CDC42BPB: variants seen among roughly 807,000 people sequenced by gnomAD.
The protein encoded by CDC42BPB is CDC42 binding protein kinase beta.
In CDC42BPB, 37 loss-of-function variants were observed where a neutral mutation model predicts 214.9. The ratio of observed to expected loss-of-function variants is 0.17; its 90% CI spans 0.13 to 0.23. The LOEUF (loss-of-function observed/expected upper bound fraction) is 0.23, where lower values mean the gene tolerates loss of function less well. CDC42BPB is among the 10% of genes least tolerant of loss of function. CDC42BPB has a pLI of 1.00. For synonymous variants in CDC42BPB, 931 were observed against 884.0 expected (o/e 1.05, Z -0.94); for missense variants, 1,694 against 2,227.0 (o/e 0.76, Z 4.82).
chr14:103,022,169 G>A (rs960855817), intron 1 of CDC42BPB, among the ~76,000 whole-genome samples: 3 of 152,194 alleles, frequency 2.0e-5, no homozygotes, highest in Non-Finnish European at 2.9e-5. Context: ...CCAGCAGGGT[G>A]CAGAGAAAGC....
intron 23 of CDC42BPB, 98 bp downstream of exon 23, chr14:102,954,100 T>C: frequency 1.2e-6 from 1 of 857,564 alleles, no homozygotes; most frequent in Non-Finnish European, 1.9e-6. Context: ...AATGACTAAG[T>C]ATGTTTTATT....
intron 5 of CDC42BPB, among the ~76,000 whole-genome samples, chr14:102,987,980 C>CA (rs1244265463): frequency 6.6e-6 from 1 of 151,836 alleles, no homozygotes; most frequent in African/African-American, 2.4e-5. Context: ...TCTCAAAACA[C>CA]AAAAACACAC....
At position 102,953,369 on chromosome 14, in the gene CDC42BPB, A is replaced by G. The variant is rs539633205; in HGVS notation, c.3067-766T>C. Among the ~76,000 whole-genome samples, 8 of 152,370 alleles carry G rather than the reference A, an allele frequency of 5.3e-5. No individual in the cohort carries two copies. The East Asian group carries it at 1.4e-3, about 26-fold the overall frequency. On this transcript the variant is annotated intron_variant, in intron 23 of 36. Transcript: ENST00000361246. ...TAGGAGTGACACACCAGCACTCTGC[A>G]GAGTTGCTATCAAATATGGTAACCA...
At position 102,973,927 on chromosome 14, in the gene CDC42BPB, AAG is replaced by A. The variant is rs1296210645; in HGVS notation, c.1641+87_1641+88del. On this transcript the variant is annotated intron_variant, in intron 12 of 36. Coordinates refer to ENST00000361246, the MANE Select transcript of CDC42BPB (RefSeq NM_006035.4). ...GGGACAGCCCATGGGCAGGAGTCCC[AAG>A]AGGTCTTCCATCATCGGCATGAACG... is the stretch of plus-strand genomic sequence containing the variant. 2.7e-5 allele frequency: 39 copies of A among 1,459,418 alleles called. No homozygotes were observed. The Admixed American group carries it at 4.9e-4, about 18-fold the overall frequency. The allele number at this position is 1,459,418 out of a possible 1,614,324, so 90.4% of individuals were successfully genotyped here.
chr14:102,937,500 A>ATCCC (rs1264650897), intron 36 of CDC42BPB, among the ~76,000 whole-genome samples: 4 of 152,256 alleles, frequency 2.6e-5, no homozygotes, highest in South Asian at 2.1e-4. Flanking sequence ...CTCCGCCTGC[A>ATCCC]TCCCTCCCTC....
chr14:102,937,808 G>T (rs1891707931), intron 36 of CDC42BPB, among the ~76,000 whole-genome samples: 1 of 152,252 alleles, frequency 6.6e-6, no homozygotes, highest in South Asian at 2.1e-4. Context: ...AACAACACAG[G>T]GAGTCCAGAG....
chr14:103,023,168 A>T (rs1265397187), intron 1 of CDC42BPB, among the ~76,000 whole-genome samples: 9 of 129,160 alleles, frequency 7.0e-5, no homozygotes, highest in Non-Finnish European at 8.1e-5. Context: ...CATGTGGCTA[A>T]TTTTTTTTTT....
At position 102,938,155 on chromosome 14, in the gene CDC42BPB, C is replaced by T. The variant is rs1156654826; in HGVS notation, c.4953G>A (p.Val1651=). The part of the protein sequence containing the change: ...WPSSGGSEPS[V]TVPLRSMSDP... ...CAGACATACTTCTCAGAGGCACAGT[C>T]ACGCTAGGCTCCGATCCACCTACAG... The change falls in exon 36 of 37, where the codon GTG becomes GTA. Residue 1651 remains valine (V), a synonymous_variant. Coordinates refer to ENST00000361246, the MANE Select transcript of CDC42BPB (RefSeq NM_006035.4). 3 of 1,613,754 alleles carry T rather than the reference C, an allele frequency of 1.9e-6. No individual in the cohort carries two copies. The highest frequency in any genetic ancestry group is 2.2e-5 in the East Asian group (1 of 44,890).
At chr14:103,028,777 C>G (rs1203804822) in intron 1 of CDC42BPB, among the ~76,000 whole-genome samples, 4 of 152,152 alleles carry the variant, frequency 2.6e-5, no homozygotes, top group Admixed American at 2.0e-4. Flanking sequence ...TGCAATTCTC[C>G]CTTAATAGGG....
At chr14:102,991,491 G>A (rs1458930053) in intron 5 of CDC42BPB, among the ~76,000 whole-genome samples, 4 of 152,208 alleles carry the variant, frequency 2.6e-5, no homozygotes, top group African/African-American at 7.2e-5. Flanking sequence ...TGTACTGGAG[G>A]GAAGAAAATA....
chr14:103,036,406 C>CG (rs1052286959), intron 1 of CDC42BPB, among the ~76,000 whole-genome samples: 4 of 152,124 alleles, frequency 2.6e-5, no homozygotes, highest in African/African-American at 9.6e-5. Context: ...CCACCTGCCT[C>CG]GGCCTCCCAA....
At chr14:102,972,463 G>C (rs1050522244) in intron 12 of CDC42BPB, 4 of 221,590 alleles carry the variant, frequency 1.8e-5, no homozygotes, top group Non-Finnish European at 3.0e-5. Context: ...AAGGTGGGCG[G>C]GTCACCTGAG....
At chr14:102,955,060 G>C (rs1892654445) in intron 21 of CDC42BPB, among the ~76,000 whole-genome samples, 1 of 152,248 alleles carries the variant, frequency 6.6e-6, no homozygotes, top group African/African-American at 2.4e-5. Context: ...GAAAGGGCAA[G>C]ACCTGGAAAT....
intron 1 of CDC42BPB, among the ~76,000 whole-genome samples, chr14:103,051,426 T>TA (rs549332515): frequency 0.14 from 11,420 of 80,710 alleles, 1,064 homozygotes; most frequent in African/African-American, 0.32. Flanking sequence ...CTCTTCCAGC[T>TA]AAAAAAAAAA....
intron 36 of CDC42BPB, among the ~76,000 whole-genome samples, chr14:102,934,695 G>A (rs1292955255): frequency 2.0e-5 from 3 of 152,026 alleles, no homozygotes; most frequent in African/African-American, 7.2e-5. Flanking sequence ...ATACCCAATG[G>A]TGAGAGACAA....
chr14:102,970,526 A>G, intron 13 of CDC42BPB: 1 of 257,518 alleles, frequency 3.9e-6, no homozygotes, highest in Non-Finnish European at 6.1e-6. Flanking sequence ...TGAAATTTAA[A>G]TTTCACTGAT....
chr14:102,941,649 G>A, intron 30 of CDC42BPB: 1 of 651,706 alleles, frequency 1.5e-6, no homozygotes. Flanking sequence ...TGCTGACTCA[G>A]TGATAAACAG....
intron 1 of CDC42BPB, among the ~76,000 whole-genome samples, chr14:103,026,379 G>A (rs1887056141): frequency 6.6e-6 from 1 of 151,930 alleles, no homozygotes; most frequent in Non-Finnish European, 1.5e-5. Context: ...GACAGAGTGA[G>A]GTTCCGTCTC....
At chr14:103,000,728 C>T (rs1451952319) in intron 4 of CDC42BPB, among the ~76,000 whole-genome samples, 1 of 152,228 alleles carries the variant, frequency 6.6e-6, no homozygotes, top group East Asian at 1.9e-4. Context: ...TTATGGAGAA[C>T]CTAATCATAT....
Sources: allele counts gnomAD v4.1 joint callset (sites outside exome capture counted in the v4.1 genomes callset), GRCh38; gene constraint gnomAD v4.1.1; transcripts MANE v1.5; gene names NCBI Gene and HGNC (gene_info 2026-07-23, HGNC 2026-07-21).